Variants in GBP7 observed in about 807,000 individuals in gnomAD.
GBP7 encodes guanylate-binding protein 7.
A neutral mutation model predicts 61.3 loss-of-function variants in GBP7; 43 were observed. That is an observed-to-expected ratio of 0.70 (90% CI 0.55 to 0.91). The LOEUF (loss-of-function observed/expected upper bound fraction) is 0.91, where lower values mean the gene tolerates loss of function less well. Ranked by LOEUF, GBP7 falls within the 40% of genes least tolerant of loss-of-function variation. GBP7 has a pLI of 0.00. For synonymous variants in GBP7, 267 were observed against 271.0 expected, an observed-to-expected ratio of 0.99 and a Z score of 0.14; for missense variants, 717 against 740.5, an observed-to-expected ratio of 0.97 and a Z score of 0.37.
At chr1:89,156,983 A>G (rs1682331518) in intron 3 of GBP7, among the ~76,000 whole-genome samples, 1 of 152,220 alleles carries the variant, frequency 6.6e-6, no homozygotes, top group South Asian at 2.1e-4. Context: ...ATGTAAAAGA[A>G]CAGAAATTAT....
At chr1:89,159,871 A>G (rs1279104717) in intron 3 of GBP7, among the ~76,000 whole-genome samples, 1 of 152,228 alleles carries the variant, frequency 6.6e-6, no homozygotes, top group Non-Finnish European at 1.5e-5. Flanking sequence ...GTATACACCC[A>G]AAGGATTATA....
At chr1:89,139,563 A>T (rs1681885303) in intron 9 of GBP7, among the ~76,000 whole-genome samples, 2 of 152,234 alleles carry the variant, frequency 1.3e-5, no homozygotes, top group African/African-American at 4.8e-5. Flanking sequence ...AAGGGCTAAT[A>T]TCCAGAATCT....
At chr1:89,152,203 A>G in intron 5 of GBP7, 65 bp downstream of exon 5, 1 of 1,433,510 alleles carries the variant, frequency 7.0e-7, no homozygotes, top group Non-Finnish European at 9.6e-7. Flanking sequence ...CAGGTGTTGA[A>G]CGGTAGGTCC....
intron 9 of GBP7, among the ~76,000 whole-genome samples, chr1:89,135,605 C>T (rs1681781741): frequency 6.6e-6 from 1 of 151,324 alleles, no homozygotes; most frequent in South Asian, 2.1e-4. Context: ...AACTAAGGTT[C>T]ATAAGAAAAA....
intron 10 of GBP7, 136 bp from the exon 11 acceptor site, chr1:89,132,539 A>G (rs1433130496): frequency 6.0e-6 from 4 of 662,844 alleles, no homozygotes; most frequent in African/African-American, 1.8e-5. Flanking sequence ...TTGGTCTGAC[A>G]TTTCCAGATG....
At chr1:89,139,828 T>C (rs1175720353) in intron 9 of GBP7, among the ~76,000 whole-genome samples, 1 of 152,170 alleles carries the variant, frequency 6.6e-6, no homozygotes, top group Admixed American at 6.5e-5. Flanking sequence ...ATAGGAACAC[T>C]TTTACCCTGT....
intron 7 of GBP7, among the ~76,000 whole-genome samples, chr1:89,148,773 A>T (rs1033590826): frequency 1.3e-5 from 2 of 152,142 alleles, no homozygotes; most frequent in Non-Finnish European, 2.9e-5. Flanking sequence ...TGACTTACGG[A>T]GCTGTGAGCT....
chr1:89,173,592 TTA>T (rs1647663305), intron 1 of GBP7, among the ~76,000 whole-genome samples: 1 of 152,202 alleles, frequency 6.6e-6, no homozygotes, highest in African/African-American at 2.4e-5. Flanking sequence ...GTCTTTAGCC[TTA>T]TATACACACT....
intron 6 of GBP7, 36 bp from the exon 7 acceptor site, chr1:89,149,608 A>C (rs1303095457): frequency 1.3e-6 from 2 of 1,559,944 alleles, no homozygotes; most frequent in Non-Finnish European, 1.8e-6. Flanking sequence ...ATAGATAGAA[A>C]GTTTTCACTC....
chr1:89,166,094 G>T (rs1393170209), intron 2 of GBP7, among the ~76,000 whole-genome samples: 1 of 152,058 alleles, frequency 6.6e-6, no homozygotes, highest in Non-Finnish European at 1.5e-5. Context: ...AAATTACCCT[G>T]TCTAATGTAT....
At chr1:89,167,853 C>A (rs1647485263) in intron 2 of GBP7, among the ~76,000 whole-genome samples, 1 of 152,144 alleles carries the variant, frequency 6.6e-6, no homozygotes, top group South Asian at 2.1e-4. Context: ...CATTCCCAAC[C>A]AGATTCATAG....
Position 89,141,218 on chromosome 1 carries a change from A to G in GBP7, c.1468+328T>C, listed in dbSNP as rs549307596. On this transcript the variant is annotated intron_variant, in intron 9 of 10. Coordinates refer to ENST00000294671, the MANE Select transcript of GBP7 (RefSeq NM_207398.3). ...AAATAAAAGTTGGAAAGAAAAAAAA[A>G]AAAAGAAAGTAACAGTCTTGTCTGA... Among the ~76,000 whole-genome samples, 6 of 152,234 alleles carry G rather than the reference A, an allele frequency of 3.9e-5. No homozygotes were observed. In the East Asian group the frequency reaches 1.2e-3, roughly 29 times the overall value.
Position 89,149,425 on chromosome 1 carries a change from T to C in GBP7, c.1019A>G (p.Gln340Arg), listed in dbSNP as rs1440617246. Residue 340 changes from glutamine to arginine, a missense_variant, in exon 7 of 11, where the codon CAG becomes CGG. Physicochemically the swap from Gln to Arg is conservative, Grantham distance 43. This residue lies in a region of GBP7 where 18 missense variants were observed against 45.2 expected (regional missense o/e 0.40). Transcript: ENST00000294671. ...AANHYSQQMA[Q>R]QVRFPTDTLQ... is the part of the protein sequence containing the mutation. ...TGTGTCTGTGGGGAATCTCACTTGCTGGGCCATCTGCTGGCTGTAGTGGTT... is the reference window on the plus strand; with the variant it reads ...TGTGTCTGTGGGGAATCTCACTTGCCGGGCCATCTGCTGGCTGTAGTGGTT... 2 of 1,614,090 alleles carry C rather than the reference T, an allele frequency of 1.2e-6. No individual in the cohort carries two copies. Among genetic ancestry groups the C allele is most frequent in the African/African-American group, 2.7e-5 (2 of 74,928 alleles).
rs992962136 is a variant in GBP7, at chr1:89,167,021, G to A, written c.191-2163C>T. On this transcript the variant is annotated intron_variant, in intron 2 of 10. Transcript: ENST00000294671. ...GGATGCACCTATGATTTATTATAAT[G>A]TGCATACCTGAATTTGGTATGCATA... 2.0e-5 allele frequency among the ~76,000 whole-genome samples: 3 copies of A among 152,280 alleles called. 1 individual carries two copies. The highest frequency in any genetic ancestry group is 4.1e-4 in the South Asian group (2 of 4,826).
chr1:89,168,418 A>G (rs1647502011), intron 2 of GBP7, among the ~76,000 whole-genome samples: 1 of 152,202 alleles, frequency 6.6e-6, no homozygotes, highest in South Asian at 2.1e-4. Flanking sequence ...AAAACTGAAA[A>G]TAACCTTTTA....
At chr1:89,154,340 C>A (rs1682266417) in intron 3 of GBP7, among the ~76,000 whole-genome samples, 1 of 152,024 alleles carries the variant, frequency 6.6e-6, no homozygotes, top group African/African-American at 2.4e-5. Flanking sequence ...GTATGAAAGC[C>A]AAAAATTCTA....
intron 8 of GBP7, 61 bp downstream of exon 8, chr1:89,147,506 A>C (rs948834794): frequency 4.7e-6 from 6 of 1,280,834 alleles, no homozygotes; most frequent in Non-Finnish European, 6.8e-6. Flanking sequence ...TTTTCAGAAG[A>C]GGCAACGAAG....
intron 3 of GBP7, 45 bp downstream of exon 3, chr1:89,164,686 T>C: frequency 6.3e-7 from 1 of 1,593,340 alleles, no homozygotes; most frequent in Non-Finnish European, 8.6e-7. Context: ...AAAACATAAA[T>C]AGAGAATCAA....
At chr1:89,175,625 A>G (rs983967166) in intron 1 of GBP7, among the ~76,000 whole-genome samples, 2 of 152,240 alleles carry the variant, frequency 1.3e-5, no homozygotes, top group Admixed American at 6.5e-5. Flanking sequence ...AGAAAGTGAC[A>G]GAGCCTATTA....
Sources: allele counts gnomAD v4.1 joint callset (sites outside exome capture counted in the v4.1 genomes callset), GRCh38; gene constraint gnomAD v4.1.1; regional missense constraint gnomAD v4.1.1; transcripts MANE v1.5; gene names NCBI Gene and HGNC (gene_info 2026-07-23, HGNC 2026-07-21).